The following PTPRG variants were observed in gnomAD, a reference collection of about 807,000 sequenced individuals.
PTPRG encodes the protein protein tyrosine phosphatase receptor type G, also known as receptor-type tyrosine-protein phosphatase gamma.
PTPRG carries 102 observed loss-of-function variants against 165.3 expected under a neutral mutation model. The observed-to-expected ratio is 0.62, with a 90% confidence interval of 0.53 to 0.73. The LOEUF (loss-of-function observed/expected upper bound fraction) is 0.73, where lower values mean the gene tolerates loss of function less well. PTPRG is among the 30% of genes least tolerant of loss of function. PTPRG has a pLI of 0.00. For synonymous variants in PTPRG, 675 were observed against 669.5 expected, an observed-to-expected ratio of 1.01 and a Z score of -0.13; for missense variants, 1,866 against 1,861.4, an observed-to-expected ratio of 1.00 and a Z score of -0.05.
rs992869755 is a variant in PTPRG at position 61,664,968 on chromosome 3, G to C, written c.86-83910G>C. ...CCTGTTTTGGTTCAGAATTTTTCTT[G>C]GAACCACTAGCAGGTGGAGTTTTCT... On this transcript the variant is annotated intron_variant, in intron 1 of 29. Transcript: ENST00000474889. Among the ~76,000 whole-genome samples the C allele has an allele frequency of 7.9e-5, 12 of 152,310 alleles. No homozygotes were observed. The East Asian group carries it at 2.3e-3, about 29-fold the overall frequency.
chr3:61,874,039 G>A lies in PTPRG; in HGVS notation c.191-115586G>A, dbSNP rs147813126. Among the ~76,000 whole-genome samples, 127 of 152,272 alleles carry A rather than the reference G, an allele frequency of 8.3e-4. 3 individuals are homozygous for A. The East Asian group carries it at 0.023, about 27-fold the overall frequency. On this transcript the variant is annotated intron_variant, in intron 2 of 29. Transcript: ENST00000474889. ...ATTATTATAGTTTGATATGGAAGAA[G>A]GAACTGTAAAATGCAGTTAATTATG...
rs1036718654 is a variant in PTPRG, at chr3:62,224,064, TATA to T, written c.2288+5084_2288+5086del. Among the ~76,000 whole-genome samples the T allele has an allele frequency of 6.6e-6, 1 of 152,128 alleles. No homozygotes were observed. Among genetic ancestry groups the T allele is most frequent in the Non-Finnish European group, 1.5e-5 (1 of 68,016 alleles). On this transcript the variant is annotated intron_variant, in intron 13 of 29. Coordinates refer to ENST00000474889, the MANE Select transcript of PTPRG (RefSeq NM_002841.4). This position sits in a 1 kb window ranked among gnomAD's most constrained non-coding sequence, Gnocchi z 4.9. ...TGGGCCAAAAAAGGAAAGGGGTGACTATAATGTTAATGAAATTGGTTTGGGTGA... is the reference window on the plus strand; with the variant it reads ...TGGGCCAAAAAAGGAAAGGGGTGACTATGTTAATGAAATTGGTTTGGGTGA...
chr3:62,292,163 T>G (rs1377911158), intron 28 of PTPRG, among the ~76,000 whole-genome samples: 2 of 152,110 alleles, frequency 1.3e-5, no homozygotes, highest in African/African-American at 4.8e-5. Context: ...AGTCTACTTC[T>G]GAACCTCTCA....
chr3:61,748,896 T>C lies in PTPRG; in HGVS notation c.104T>C (p.Val35Ala), dbSNP rs761762238. Reference protein sequence around the residue: ...VCFPALTEGYVGALHENRHGS... With the variant: ...VCFPALTEGYAGALHENRHGS... ...CTTCCAGCGTTGACAGAAGGCTACG[T>C]TGGGGCCCTGCACGAGAATAGACAC... is the stretch of plus-strand genomic sequence containing the variant. The change falls in exon 2 of 30, where the codon GTT (valine) becomes GCT (alanine). Residue 35 changes from valine to alanine, a missense_variant. Physicochemically the swap from Val to Ala is moderately conservative, Grantham distance 64. Coordinates refer to ENST00000474889, the MANE Select transcript of PTPRG (RefSeq NM_002841.4). The C allele has an allele frequency of 1.7e-5, 27 of 1,613,562 alleles. No homozygotes were observed. The highest frequency in any genetic ancestry group is 4.5e-5 in the East Asian group (2 of 44,868).
At chr3:62,281,413 G>T in intron 26 of PTPRG, 150 bp from the exon 27 acceptor site, 2 of 619,334 alleles carry the variant, frequency 3.2e-6, no homozygotes, top group Non-Finnish European at 5.3e-6. Context: ...CATTCAACTT[G>T]GTGTAGTTCG....
rs2038068765 is a variant in PTPRG at position 61,887,153 on chromosome 3, TATATATATATATATATA to T, written c.191-102471_191-102455del. 5.0e-5 allele frequency among the ~76,000 whole-genome samples: 3 copies of T among 59,884 alleles called. 1 individual carries two copies. The East Asian group carries it at 1.0e-3, about 20-fold the overall frequency. 39.3% of individuals were successfully genotyped at this position (59,884 alleles called of 152,430 possible). A position where few individuals can be genotyped will look rare whatever the true frequency, so the allele number is the denominator to read the frequency against. Reference sequence around the variant, plus strand: ...ATATATATATATATATATATATATATATATATATATATATATATTTTTAATGCCATCATCAAACACTC... The same window carrying T: ...ATATATATATATATATATATATATATTTTTTAATGCCATCATCAAACACTC... On this transcript the variant is annotated intron_variant, in intron 2 of 29. Transcript: ENST00000474889.
intron 2 of PTPRG, among the ~76,000 whole-genome samples, chr3:61,828,410 G>C (rs754815420): frequency 3.9e-5 from 6 of 152,204 alleles, no homozygotes; most frequent in Non-Finnish European, 7.3e-5. Flanking sequence ...GAATATTCAA[G>C]TGAAGAAATC....
At chr3:62,248,105 G>C (rs182132564) in intron 15 of PTPRG, among the ~76,000 whole-genome samples, 1 of 152,162 alleles carries the variant, frequency 6.6e-6, no homozygotes, top group East Asian at 1.9e-4. Flanking sequence ...TGGTGGTTGA[G>C]GTTAATTAGC....
At chr3:61,796,483 C>T (rs983564507) in intron 2 of PTPRG, among the ~76,000 whole-genome samples, 8 of 152,222 alleles carry the variant, frequency 5.3e-5, no homozygotes, top group African/African-American at 1.9e-4. Context: ...GTGGGCAGAA[C>T]TTGGTTCCTT....
intron 2 of PTPRG, among the ~76,000 whole-genome samples, chr3:61,785,746 A>G (rs1487743146): frequency 6.6e-6 from 1 of 152,240 alleles, no homozygotes; most frequent in African/African-American, 2.4e-5. Flanking sequence ...ATATACAGAT[A>G]CACATTGACA....
chr3:61,750,098 G>A (rs563168664), intron 2 of PTPRG: 1 of 152,260 alleles, frequency 6.6e-6, no homozygotes, highest in East Asian at 1.9e-4. Context: ...TGATTCTGAA[G>A]TTTTCCATCA....
At chr3:62,140,039 A>G (rs1017813100) in intron 6 of PTPRG, among the ~76,000 whole-genome samples, 3 of 152,232 alleles carry the variant, frequency 2.0e-5, no homozygotes, top group East Asian at 1.9e-4. Flanking sequence ...TGTCATCTCC[A>G]GGTCAGTCCT....
chr3:61,854,093 A>G (rs2037037670), intron 2 of PTPRG, among the ~76,000 whole-genome samples: 1 of 152,250 alleles, frequency 6.6e-6, no homozygotes, highest in African/African-American at 2.4e-5. Context: ...ACTGGAATGC[A>G]GAACTGAGTT....
chr3:62,201,570 GA>G lies in PTPRG; in HGVS notation c.1377+19del. 1 of 1,607,598 alleles carries G rather than the reference GA, an allele frequency of 6.2e-7. No individual in the cohort carries two copies. The highest frequency in any genetic ancestry group is 1.3e-5 in the African/African-American group (1 of 74,954). Reference sequence around the variant, plus strand: ...AACAGGAGTGGTAAGTAGAGAATGGGAAATTGCTTTGTCGTGGCTGGTTGTT... The same window carrying G: ...AACAGGAGTGGTAAGTAGAGAATGGGAATTGCTTTGTCGTGGCTGGTTGTT... On this transcript the variant is annotated intron_variant, in intron 11 of 29. Transcript: ENST00000474889.
At chr3:61,589,250 T>C (rs1300456673) in intron 1 of PTPRG, among the ~76,000 whole-genome samples, 1 of 152,232 alleles carries the variant, frequency 6.6e-6, no homozygotes, top group East Asian at 1.9e-4. Context: ...AAGAATGCTG[T>C]GTAGCCTGCA....
chr3:62,042,557 C>T (rs1206237733), intron 4 of PTPRG, among the ~76,000 whole-genome samples: 1 of 152,104 alleles, frequency 6.6e-6, no homozygotes, highest in Non-Finnish European at 1.5e-5. Context: ...TCCTCCCGCA[C>T]CGCCACCCTG....
chr3:61,965,656 A>G (rs2040254820), intron 2 of PTPRG, among the ~76,000 whole-genome samples: 1 of 152,218 alleles, frequency 6.6e-6, no homozygotes, highest in South Asian at 2.1e-4. Flanking sequence ...TTGTGGTCCA[A>G]CTGTGTGTTT....
intron 2 of PTPRG, among the ~76,000 whole-genome samples, chr3:61,849,032 C>T (rs2036884559): frequency 6.6e-6 from 1 of 152,124 alleles, no homozygotes; most frequent in African/African-American, 2.4e-5. Context: ...ACCTAAATTG[C>T]GTTTGTTCTT....
intron 2 of PTPRG, among the ~76,000 whole-genome samples, chr3:61,762,483 T>C (rs640212): frequency 0.84 from 128,154 of 151,826 alleles, 54,289 homozygotes; most frequent in East Asian, 0.94. Context: ...TAGTGGTGGG[T>C]GCCTGTAATC....
Sources: allele counts gnomAD v4.1 joint callset (sites outside exome capture counted in the v4.1 genomes callset), GRCh38; gene constraint gnomAD v4.1.1; non-coding constraint Gnocchi (gnomAD v3.1); transcripts MANE v1.5; gene names NCBI Gene and HGNC (gene_info 2026-07-23, HGNC 2026-07-21).